The following ATP9B variants were observed in gnomAD, a reference collection of about 807,000 sequenced individuals.
The protein encoded by ATP9B is probable phospholipid-transporting ATPase IIB.
In ATP9B, 110 loss-of-function variants were observed where a neutral mutation model predicts 146.1. The ratio of observed to expected loss-of-function variants is 0.75; its 90% CI spans 0.65 to 0.88. The LOEUF (loss-of-function observed/expected upper bound fraction) is 0.88. ATP9B is among the 40% of genes least tolerant of loss of function. The pLI is 0.00. For missense variants in ATP9B, 1,499 were observed against 1,496.4 expected (o/e 1.00, Z -0.03); for synonymous variants, 604 against 569.7 (o/e 1.06, Z -0.86).
intron 1 of ATP9B, among the ~76,000 whole-genome samples, chr18:79,070,373 C>T (rs1187612104): frequency 6.6e-6 from 1 of 152,174 alleles, no homozygotes; most frequent in Non-Finnish European, 1.5e-5. Context: ...AATGTTATAA[C>T]GCTGATTTGA....
Position 79,155,383 on chromosome 18 carries a change from C to T in ATP9B, c.778+828C>T, listed in dbSNP as rs144239185. ...AGGTAATTGGATAGAAGCCTAGTGTCGCCAAATAGAAAATCTGTTGGAAAT... is the reference window on the plus strand; with the variant it reads ...AGGTAATTGGATAGAAGCCTAGTGTTGCCAAATAGAAAATCTGTTGGAAAT... On this transcript the variant is annotated intron_variant, in intron 7 of 29. Coordinates refer to ENST00000426216, the MANE Select transcript of ATP9B (RefSeq NM_198531.5). Among the ~76,000 whole-genome samples the T allele has an allele frequency of 1.3e-3, 204 of 152,232 alleles. 1 individual carries two copies. Among genetic ancestry groups the T allele is most frequent in the Non-Finnish European group, 1.0e-3 (69 of 68,016 alleles).
chr18:79,366,981 G>A (rs1016617354), intron 26 of ATP9B, among the ~76,000 whole-genome samples: 5 of 152,236 alleles, frequency 3.3e-5, no homozygotes, highest in Non-Finnish European at 5.9e-5. Flanking sequence ...ATGACTAGAT[G>A]ATAACCAGAG....
chr18:79,187,658 G>A (rs911486410), intron 8 of ATP9B, among the ~76,000 whole-genome samples: 2 of 152,180 alleles, frequency 1.3e-5, no homozygotes, highest in East Asian at 1.9e-4. Flanking sequence ...TGAATGGAGT[G>A]CACAAAACCA....
chr18:79,367,562 C>T (rs1310858703), intron 26 of ATP9B, among the ~76,000 whole-genome samples: 2 of 151,364 alleles, frequency 1.3e-5, no homozygotes, highest in African/African-American at 4.9e-5. Context: ...CATGTGTACG[C>T]AGAGAAAGCG....
At chr18:79,328,135 G>A (rs149454396) in intron 15 of ATP9B, among the ~76,000 whole-genome samples, 6 of 151,898 alleles carry the variant, frequency 4.0e-5, no homozygotes, top group African/African-American at 7.3e-5. Context: ...CGTGGATAGC[G>A]TGCTCTCTGT....
At chr18:79,078,005 G>A (rs1394844842) in intron 1 of ATP9B, 1 of 152,178 alleles carries the variant, frequency 6.6e-6, no homozygotes, top group African/African-American at 2.4e-5. Flanking sequence ...GCACCCTTGT[G>A]CATGTACCCT....
At chr18:79,084,550 AAT>A in intron 1 of ATP9B, among the ~76,000 whole-genome samples, 1 of 152,220 alleles carries the variant, frequency 6.6e-6, no homozygotes, top group South Asian at 2.1e-4. Context: ...AAAAAAAAAA[AAT>A]GTAAGCGTAT....
intron 12 of ATP9B, among the ~76,000 whole-genome samples, chr18:79,268,939 C>G (rs2096229994): frequency 6.6e-6 from 1 of 152,072 alleles, no homozygotes; most frequent in African/African-American, 2.4e-5. Flanking sequence ...GCTTTTAAGA[C>G]TTCACTTCTT....
intron 13 of ATP9B, chr18:79,277,407 A>C: frequency 2.1e-6 from 1 of 474,976 alleles, no homozygotes; most frequent in Non-Finnish European, 3.6e-6. Flanking sequence ...CATAAGAATT[A>C]TCAAAATGTT....
At chr18:79,113,194 A>T in intron 3 of ATP9B, 47 bp from the exon 4 acceptor site, 1 of 1,089,760 alleles carries the variant, frequency 9.2e-7, no homozygotes, top group South Asian at 1.4e-5. Context: ...AGGTATTAAA[A>T]TTTTTTCCTT....
intron 12 of ATP9B, among the ~76,000 whole-genome samples, chr18:79,263,074 T>C (rs1027989848): frequency 6.6e-6 from 1 of 152,246 alleles, no homozygotes; most frequent in Non-Finnish European, 1.5e-5. Context: ...GTGTGGGCTT[T>C]ACAATTTTTA....
intron 24 of ATP9B, 66 bp from the exon 25 acceptor site, chr18:79,348,066 A>T: frequency 6.2e-7 from 1 of 1,601,782 alleles, no homozygotes; most frequent in Non-Finnish European, 8.6e-7. Flanking sequence ...GAGGCCCCTG[A>T]GAGGCTTGGG....
At chr18:79,180,478 T>G (rs746562715) in intron 8 of ATP9B, among the ~76,000 whole-genome samples, 2 of 152,216 alleles carry the variant, frequency 1.3e-5, no homozygotes, top group Non-Finnish European at 2.9e-5. Context: ...CATGGCTTCC[T>G]TCCCATCCTT....
At chr18:79,089,463 TGTG>T (rs2074131433) in intron 1 of ATP9B, among the ~76,000 whole-genome samples, 1 of 152,178 alleles carries the variant, frequency 6.6e-6, no homozygotes, top group African/African-American at 2.4e-5. Context: ...GGCTTTGTGT[TGTG>T]GCTCTCTTCA....
chr18:79,302,135 G>A (rs2096594443), intron 13 of ATP9B, among the ~76,000 whole-genome samples: 1 of 152,172 alleles, frequency 6.6e-6, no homozygotes, highest in African/African-American at 2.4e-5. Context: ...CCATAAAATT[G>A]GGTTTTATGG....
chr18:79,158,310 G>T (rs1165139537), intron 7 of ATP9B, among the ~76,000 whole-genome samples: 1 of 151,546 alleles, frequency 6.6e-6, no homozygotes, highest in Non-Finnish European at 1.5e-5. Flanking sequence ...GTCTTGCTTT[G>T]TTACCCAGGC....
intron 12 of ATP9B, among the ~76,000 whole-genome samples, chr18:79,274,820 C>T (rs2096290103): frequency 6.6e-6 from 1 of 152,186 alleles, no homozygotes; most frequent in Non-Finnish European, 1.5e-5. Context: ...TTGTATTCAA[C>T]TTACCATATT....
intron 7 of ATP9B, among the ~76,000 whole-genome samples, chr18:79,158,616 A>G (rs969349938): frequency 2.0e-5 from 3 of 152,232 alleles, no homozygotes; most frequent in Non-Finnish European, 2.9e-5. Flanking sequence ...ATTAATGAAT[A>G]TGAATTTCCT....
Position 79,096,565 on chromosome 18 carries a change from A to G in ATP9B, c.209A>G (p.His70Arg), listed in dbSNP as rs184924723. The change falls in exon 2 of 30, where the codon CAC becomes CGC. Residue 70 changes from histidine to arginine, a missense_variant. By Grantham distance (29) the His-to-Arg change is conservative. Coordinates refer to ENST00000426216, the MANE Select transcript of ATP9B (RefSeq NM_198531.5). ...TTTGAGAATGAGGAAAGTGATTACCACACCTTACCACGAGCCAGGATAATG... is the reference window on the plus strand; with the variant it reads ...TTTGAGAATGAGGAAAGTGATTACCGCACCTTACCACGAGCCAGGATAATG... ...EGFENEESDY[H>R]TLPRARIMQR... is the part of the protein sequence containing the mutation. 588 of 1,614,004 alleles carry G rather than the reference A, an allele frequency of 3.6e-4. 6 individuals carry two copies. The East Asian group carries it at 0.013, about 35-fold the overall frequency.
Sources: gnomAD v4.1 joint callset for allele counts (sites outside exome capture counted in the v4.1 genomes callset) on GRCh38, gnomAD v4.1.1 for gene constraint, MANE v1.5 for transcripts, NCBI Gene and HGNC (gene_info 2026-07-23, HGNC 2026-07-21) for gene names.